Variants in TSPAN16 observed in about 807,000 individuals in gnomAD.
TSPAN16 encodes the protein tetraspanin-16.
TSPAN16 carries 23 observed loss-of-function variants against 25.2 expected under a neutral mutation model. The observed-to-expected ratio is 0.91, with a 90% CI of 0.66 to 1.29. TSPAN16 has a LOEUF of 1.29. Among genes scored for constraint, TSPAN16 ranks in the 50% most tolerant of loss-of-function variants. The pLI is 0.00. For missense variants in TSPAN16, 272 were observed against 299.9 expected (o/e 0.91, Z 0.69); for synonymous variants, 123 against 124.4 (o/e 0.99, Z 0.08).
chr19:11,323,312 G>A (rs76792451), intron 6 of TSPAN16: 1 of 152,098 alleles, frequency 6.6e-6, no homozygotes, highest in African/African-American at 2.4e-5. Flanking sequence ...AGATACCCTC[G>A]GCTGGGCGTG....
rs79689388 is a variant in TSPAN16, at chr19:11,298,800, T to A, written c.268-72T>A. The A allele has an allele frequency of 6.1e-3, 8,731 of 1,442,760 alleles. 440 individuals are homozygous for A. In the African/African-American group the frequency reaches 0.11, roughly 18 times the overall value. The allele number at this position is 1,442,760 out of a possible 1,614,324, so 89.4% of individuals were successfully genotyped here. On this transcript the variant is annotated intron_variant, in intron 2 of 6. Transcript: ENST00000590327. ...GGGTCGGGGGAACAGAGACAACCCCTCACCTGCAGGGTATAAGGTCGGGAG... is the reference window on the plus strand; with the variant it reads ...GGGTCGGGGGAACAGAGACAACCCCACACCTGCAGGGTATAAGGTCGGGAG...
intron 3 of TSPAN16, chr19:11,300,779 G>A (rs751543521): frequency 1.3e-5 from 2 of 159,662 alleles, no homozygotes; most frequent in Non-Finnish European, 2.8e-5. Context: ...CTCTATCATC[G>A]CTTTGCAAAA....
chr19:11,318,901 C>G (rs2080762409), downstream of TSPAN16, among the ~76,000 whole-genome samples: 1 of 152,160 alleles, frequency 6.6e-6, no homozygotes, highest in Admixed American at 6.5e-5. Flanking sequence ...CCCACCTCAG[C>G]CTCCCAAAGT....
chr19:11,324,259 GAAA>G (rs561740577), intron 6 of TSPAN16: 9 of 102,598 alleles, frequency 8.8e-5, no homozygotes, highest in South Asian at 3.3e-4. Context: ...ATCTCAAAAA[GAAA>G]AAAAAAAAAA....
chr19:11,298,222 C>G lies in TSPAN16; in HGVS notation c.150C>G (p.Ser50=), dbSNP rs768035738. ...CTCTGACGAATGTCCTCGGGCTGTC[C>G]TCCGCATACCTCCTTCACGTTGGCA... ...GASLTNVLGL[S]SAYLLHVGNL... The change falls in exon 2 of 7, where the codon TCC becomes TCG. Residue 50 remains serine, a synonymous_variant. Coordinates refer to ENST00000590327, the MANE Select transcript of TSPAN16 (RefSeq NM_001282509.2). 1 of 1,614,180 alleles carries G rather than the reference C, an allele frequency of 6.2e-7. No homozygotes were observed. Among genetic ancestry groups the G allele is most frequent in the South Asian group, 1.1e-5 (1 of 91,086 alleles).
chr19:11,314,423 C>T (rs764584975), intron 6 of TSPAN16, among the ~76,000 whole-genome samples: 10 of 152,270 alleles, frequency 6.6e-5, no homozygotes, highest in East Asian at 1.9e-4. Context: ...ATGCTTTCTG[C>T]ACATTGACTA....
Position 11,305,702 on chromosome 19 carries a change from C to T in TSPAN16, c.451-902C>T, listed in dbSNP as rs1201544145. Among the ~76,000 whole-genome samples, 4 of 151,644 alleles carry T rather than the reference C, an allele frequency of 2.6e-5. No individual in the cohort carries two copies. The East Asian group carries it at 7.8e-4, about 29-fold the overall frequency. ...GGCAACATAGCAAGACCCATCTCTACAATAGATAAAAAATGTAGCCAGGCG... is the reference window on the plus strand; with the variant it reads ...GGCAACATAGCAAGACCCATCTCTATAATAGATAAAAAATGTAGCCAGGCG... On this transcript the variant is annotated intron_variant, in intron 4 of 6. Transcript: ENST00000590327.
intron 2 of TSPAN16, 26 bp from the exon 3 acceptor site, chr19:11,298,846 G>C: frequency 6.2e-7 from 1 of 1,608,510 alleles, no homozygotes; most frequent in South Asian, 1.1e-5. Context: ...AGGCTCCCAG[G>C]CCCTCTCTCC....
At chr19:11,303,866 C>T (rs1406294500) in intron 4 of TSPAN16, among the ~76,000 whole-genome samples, 1 of 151,582 alleles carries the variant, frequency 6.6e-6, no homozygotes, top group East Asian at 1.9e-4. Context: ...CCACTGCAAC[C>T]TCCGCCTCCT....
At chr19:11,299,024 A>G in intron 3 of TSPAN16, 78 bp downstream of exon 3, 2 of 1,434,556 alleles carry the variant, frequency 1.4e-6, no homozygotes, top group Admixed American at 1.8e-5. Context: ...TCACGCCTCT[A>G]ATCCCAGCAT....
downstream of TSPAN16, among the ~76,000 whole-genome samples, chr19:11,318,675 C>G (rs2080761413): frequency 6.6e-6 from 1 of 151,260 alleles, no homozygotes; most frequent in Non-Finnish European, 1.5e-5. Context: ...TTGAGACAGT[C>G]TTGCTCTGTC....
downstream of TSPAN16, among the ~76,000 whole-genome samples, chr19:11,320,122 C>CTTT (rs373015307): frequency 3.7e-5 from 4 of 106,834 alleles, no homozygotes; most frequent in African/African-American, 8.2e-5. Context: ...CCGGCCAGGA[C>CTTT]TTTTTTTTTT....
chr19:11,320,675 A>G (rs1363439252), downstream of TSPAN16, among the ~76,000 whole-genome samples: 2 of 62,218 alleles, frequency 3.2e-5, no homozygotes, highest in African/African-American at 2.9e-4. Context: ...CTTGTCTCCA[A>G]AAAAAAAAAA....
At chr19:11,308,847 G>A (rs1424815689) in intron 5 of TSPAN16, among the ~76,000 whole-genome samples, 1 of 152,024 alleles carries the variant, frequency 6.6e-6, no homozygotes, top group Non-Finnish European at 1.5e-5. Context: ...GACCTCAGGT[G>A]ATCCTCCCAC....
chr19:11,298,846 G>T (rs763042390), intron 2 of TSPAN16, 26 bp from the exon 3 acceptor site: 1 of 1,608,510 alleles, frequency 6.2e-7, no homozygotes, highest in South Asian at 1.1e-5. Flanking sequence ...AGGCTCCCAG[G>T]CCCTCTCTCC....
intron 6 of TSPAN16, among the ~76,000 whole-genome samples, chr19:11,313,330 G>A (rs919891775): frequency 1.3e-5 from 2 of 152,038 alleles, no homozygotes; most frequent in Non-Finnish European, 2.9e-5. Flanking sequence ...TGACGAACAT[G>A]GTGAAACCCT....
At chr19:11,321,051 C>G (rs1173069583) in intron 6 of TSPAN16, among the ~76,000 whole-genome samples, 1 of 151,850 alleles carries the variant, frequency 6.6e-6, no homozygotes, top group Non-Finnish European at 1.5e-5. Context: ...TGCCTGTAAT[C>G]CCAGCTACTC....
At chr19:11,299,985 G>GAAAAAAAAAAAAAAAA (rs60293071) in intron 3 of TSPAN16, among the ~76,000 whole-genome samples, 4 of 107,750 alleles carry the variant, frequency 3.7e-5, no homozygotes, top group African/African-American at 8.7e-5. Flanking sequence ...CTCAAAAAAA[G>GAAAAAAAAAAAAAAAA]AAAAAAAAAA....
At position 11,301,175 on chromosome 19, in the gene TSPAN16, T is replaced by A. The variant is rs761245430; in HGVS notation, c.343-26T>A. ...GGGCCACTCTTGCTAGTTGGGGTAC[T>A]GATCACTTCCTGTCCTCTCTGTGAG... is the stretch of plus-strand genomic sequence containing the variant. On this transcript the variant is annotated intron_variant, in intron 3 of 6. Coordinates refer to ENST00000590327, the MANE Select transcript of TSPAN16 (RefSeq NM_001282509.2). 8.1e-6 allele frequency: 13 copies of A among 1,600,166 alleles called. No individual in the cohort carries two copies. In the South Asian group the frequency reaches 1.4e-4, roughly 18 times the overall value.
Sources: allele counts gnomAD v4.1 joint callset (sites outside exome capture counted in the v4.1 genomes callset), GRCh38; gene constraint gnomAD v4.1.1; transcripts MANE v1.5; gene names NCBI Gene and HGNC (gene_info 2026-07-23, HGNC 2026-07-21).